SUN1: variants seen among roughly 807,000 people sequenced by gnomAD.
The protein encoded by SUN1 is Sad1 and UNC84 domain containing 1.
In SUN1, 61 loss-of-function variants were observed where a neutral mutation model predicts 103.2. The observed-to-expected ratio is 0.59, with a 90% CI of 0.48 to 0.73. The LOEUF is 0.73. SUN1 is among the 30% of genes least tolerant of loss of function. The pLI is 0.00. For synonymous variants in SUN1, 490 were observed against 425.7 expected (o/e 1.15, Z -1.86); for missense variants, 1,052 against 1,034.6 (o/e 1.02, Z -0.23).
chr7:846,001 G>A (rs746119093), intron 5 of SUN1, among the ~76,000 whole-genome samples: 1 of 152,154 alleles, frequency 6.6e-6, no homozygotes, highest in African/African-American at 2.4e-5. Flanking sequence ...TTCTGGCTTT[G>A]TCTTTCCTGA....
intron 17 of SUN1, among the ~76,000 whole-genome samples, chr7:872,248 G>A (rs1842266607): frequency 6.6e-6 from 1 of 152,128 alleles, no homozygotes; most frequent in Non-Finnish European, 1.5e-5. Context: ...ACGGGGAATC[G>A]TGCTGACCTC....
Position 873,536 on chromosome 7 carries a change from G to A in SUN1, c.*205G>A. 1 of 530,774 alleles carries A rather than the reference G, an allele frequency of 1.9e-6. No homozygotes were observed. Among genetic ancestry groups the A allele is most frequent in the Non-Finnish European group, 3.3e-6 (1 of 299,526 alleles). The allele number at this position is 530,774 out of a possible 1,614,324, so 32.9% of individuals were successfully genotyped here. A position where few individuals can be genotyped will look rare whatever the true frequency, so the allele number is the denominator to read the frequency against. Reference sequence around the variant, plus strand: ...CTCACTGCCTCTGCAGGTGCAGAGGGGTCAGCAGCAGGAGAAGCGTGTTGA... The same window carrying A: ...CTCACTGCCTCTGCAGGTGCAGAGGAGTCAGCAGCAGGAGAAGCGTGTTGA... On this transcript the variant is annotated 3_prime_UTR_variant, in exon 19 of 19. Transcript: ENST00000401592.
At chr7:851,322 C>G in intron 5 of SUN1, 62 bp from the exon 6 acceptor site, 5 of 1,436,492 alleles carry the variant, frequency 3.5e-6, no homozygotes, top group Non-Finnish European at 4.8e-6. Context: ...CCCCACCGTG[C>G]TGTCACTGCA....
chr7:820,684 C>T (rs1240838420), intron 1 of SUN1, among the ~76,000 whole-genome samples: 1 of 152,160 alleles, frequency 6.6e-6, no homozygotes, highest in Non-Finnish European at 1.5e-5. Context: ...CTGAGTTTTT[C>T]ATAGATGCCC....
At chr7:857,698 G>C (rs1828776858) in intron 12 of SUN1, 130 bp from the exon 13 acceptor site, 1 of 1,201,360 alleles carries the variant, frequency 8.3e-7, no homozygotes, top group African/African-American at 1.5e-5. Context: ...ACGTTAGTGT[G>C]GCACAGGATG....
At chr7:860,006 C>G in intron 13 of SUN1, 122 bp from the exon 14 acceptor site, 1 of 1,275,658 alleles carries the variant, frequency 7.8e-7, no homozygotes, top group Middle Eastern at 2.0e-4. Flanking sequence ...AACACTGTCA[C>G]AATGACATTC....
chr7:842,621 TG>T, intron 3 of SUN1: 1 of 190,620 alleles, frequency 5.2e-6, no homozygotes. Flanking sequence ...ACGTGGAGTC[TG>T]GGCAGTGGGA....
At chr7:852,704 A>G in intron 8 of SUN1, 37 bp downstream of exon 8, 1 of 1,614,178 alleles carries the variant, frequency 6.2e-7, no homozygotes, top group Non-Finnish European at 8.5e-7. Flanking sequence ...CCGATGGCTA[A>G]GCGGTACACA....
chr7:861,728 C>G lies in SUN1; in HGVS notation c.1864+264C>G, dbSNP rs114690737. ...AGGTTCACAGCACAGAAAGTGTGCT[C>G]GACTGTTCACTCTCTCCTGTGCTGT... On this transcript the variant is annotated intron_variant, in intron 15 of 18. Transcript: ENST00000401592. 5.0e-3 allele frequency among the ~76,000 whole-genome samples: 761 copies of G among 152,258 alleles called. 7 individuals are homozygous for G. Among genetic ancestry groups the G allele is most frequent in the African/African-American group, 0.017 (712 of 41,540 alleles).
At chr7:866,941 G>C (rs540657534) in intron 16 of SUN1, among the ~76,000 whole-genome samples, 38 of 152,052 alleles carry the variant, frequency 2.5e-4, no homozygotes, top group African/African-American at 8.2e-4. Flanking sequence ...GATTTATTTT[G>C]CCTCAATACT....
upstream of SUN1, among the ~76,000 whole-genome samples, chr7:828,451 TA>T (rs1242995387): frequency 3.3e-5 from 5 of 151,900 alleles, no homozygotes; most frequent in African/African-American, 1.2e-4. Context: ...TTTATATATT[TA>T]GTAGAGACGG....
In SUN1 at chr7:874,417, A is replaced by G. The variant is rs1843321958; in HGVS notation, c.*1086A>G. 1 of 152,710 alleles carries G rather than the reference A, an allele frequency of 6.5e-6. No individual in the cohort carries two copies. Among genetic ancestry groups the G allele is most frequent in the Non-Finnish European group, 1.5e-5 (1 of 68,054 alleles). The allele number at this position is 152,710 out of a possible 1,614,324, so 9.5% of individuals were successfully genotyped here. A position where few individuals can be genotyped will look rare whatever the true frequency, so the allele number is the denominator to read the frequency against. On this transcript the variant is annotated 3_prime_UTR_variant, in exon 19 of 19. Coordinates refer to ENST00000401592, the MANE Select transcript of SUN1 (RefSeq NM_001130965.3). ...TAAATGAGATATCTACAAGGCACTT[A>G]AAGTGTTACAGATGTTTTACCTTAA...
chr7:855,971 G>T (rs932862811), intron 11 of SUN1, among the ~76,000 whole-genome samples: 1 of 152,360 alleles, frequency 6.6e-6, no homozygotes, highest in South Asian at 2.1e-4. Context: ...TGACGCTGGT[G>T]CTCAGCGTGG....
At chr7:826,345 C>A (rs145935129) in intron 1 of SUN1, among the ~76,000 whole-genome samples, 1 of 77,458 alleles carries the variant, frequency 1.3e-5, no homozygotes, top group Admixed American at 1.4e-4. Flanking sequence ...GAGGATTGAG[C>A]GAGCATGTGT....
intron 1 of SUN1, among the ~76,000 whole-genome samples, chr7:836,159 A>G (rs1347709468): frequency 6.6e-6 from 1 of 152,160 alleles, no homozygotes; most frequent in East Asian, 1.9e-4. Flanking sequence ...GGGCTGAGCC[A>G]AGCGTGTGTC....
chr7:867,693 C>T (rs1838123913), intron 16 of SUN1, among the ~76,000 whole-genome samples: 1 of 152,182 alleles, frequency 6.6e-6, no homozygotes, highest in African/African-American at 2.4e-5. Flanking sequence ...ACTGTCGGCT[C>T]CTGGGAAGTA....
chr7:830,192 G>A (rs1796628439), upstream of SUN1, among the ~76,000 whole-genome samples: 1 of 152,244 alleles, frequency 6.6e-6, no homozygotes, highest in African/African-American at 2.4e-5. Flanking sequence ...GCAGGCCTGT[G>A]GCCCATGTGG....
At position 848,524 on chromosome 7, in the gene SUN1, C is replaced by T. The variant is rs760617370; in HGVS notation, c.659-2860C>T. 3 of 1,363,472 alleles carry T rather than the reference C, an allele frequency of 2.2e-6. No individual in the cohort carries two copies. In the Admixed American group the frequency reaches 5.8e-5, roughly 26 times the overall value. 84.5% of individuals were successfully genotyped at this position (1,363,472 alleles called of 1,614,324 possible). A position where few individuals can be genotyped will look rare whatever the true frequency, so the allele number is the denominator to read the frequency against. ...TTTTTCAAGTGGTTTTAATGAAGCTCAGTTATGAATCAGAAAATTACAAAT... is the reference window on the plus strand; with the variant it reads ...TTTTTCAAGTGGTTTTAATGAAGCTTAGTTATGAATCAGAAAATTACAAAT... On this transcript the variant is annotated intron_variant, in intron 5 of 18. Coordinates refer to ENST00000401592, the MANE Select transcript of SUN1 (RefSeq NM_001130965.3).
Position 866,588 on chromosome 7 carries a change from A to G in SUN1, c.1980+521A>G, listed in dbSNP as rs1488137596. On this transcript the variant is annotated intron_variant, in intron 16 of 18. Coordinates refer to ENST00000401592, the MANE Select transcript of SUN1 (RefSeq NM_001130965.3). Reference sequence around the variant, plus strand: ...CCTTCGCCCCCACTGTCTCCCCACCATCTCCCCGGGCCTTCGCCCCCACTG... The same window carrying G: ...CCTTCGCCCCCACTGTCTCCCCACCGTCTCCCCGGGCCTTCGCCCCCACTG... Among the ~76,000 whole-genome samples, 2 of 75,322 alleles carry G rather than the reference A, an allele frequency of 2.7e-5. 1 individual carries two copies. The highest frequency in any genetic ancestry group is 5.1e-5 in the Non-Finnish European group (2 of 39,146). 49.4% of individuals were successfully genotyped at this position (75,322 alleles called of 152,430 possible).
Sources: gnomAD v4.1 joint callset for allele counts (sites outside exome capture counted in the v4.1 genomes callset) on GRCh38, gnomAD v4.1.1 for gene constraint, MANE v1.5 for transcripts, NCBI Gene and HGNC (gene_info 2026-07-23, HGNC 2026-07-21) for gene names.